The following DLC1 variants were observed in gnomAD, a reference collection of about 807,000 sequenced individuals.
DLC1 encodes DLC1 Rho GTPase activating protein.
A neutral mutation model predicts 140.3 loss-of-function variants in DLC1; 54 were observed. The ratio of observed to expected loss-of-function variants is 0.38; its 90% CI spans 0.31 to 0.48. DLC1 has a LOEUF of 0.48. Ranked by LOEUF, DLC1 falls within the 20% of genes least tolerant of loss-of-function variation. DLC1 has a pLI of 0.96. For synonymous variants in DLC1, 986 were observed against 728.1 expected (o/e 1.35, Z -5.70); for missense variants, 2,536 against 1,907.0 (o/e 1.33, Z -6.14).
intron 13 of DLC1, among the ~76,000 whole-genome samples, chr8:13,091,867 G>T (rs1818103609): frequency 6.6e-6 from 1 of 152,088 alleles, no homozygotes; most frequent in Non-Finnish European, 1.5e-5. Flanking sequence ...TTGACCTTTT[G>T]TCTTCATCTT....
chr8:13,490,673 T>C (rs1563392745), intron 2 of DLC1, among the ~76,000 whole-genome samples: 1 of 152,194 alleles, frequency 6.6e-6, no homozygotes, highest in African/African-American at 2.4e-5. Context: ...CAGAAATCCA[T>C]GAGGAACAAG....
At chr8:13,202,911 T>C (rs568348661) in intron 5 of DLC1, among the ~76,000 whole-genome samples, 1 of 152,092 alleles carries the variant, frequency 6.6e-6, no homozygotes, top group Non-Finnish European at 1.5e-5. Flanking sequence ...TGGGCCCAAG[T>C]AATCCACCCG....
intron 5 of DLC1, among the ~76,000 whole-genome samples, chr8:13,275,482 A>C (rs1289315070): frequency 1.3e-5 from 2 of 152,196 alleles, no homozygotes; most frequent in African/African-American, 4.8e-5. Context: ...AGACTTAGAG[A>C]GCAAACAAGA....
chr8:13,095,098 A>C lies in DLC1; in HGVS notation c.3315T>G (p.His1105Gln). The change falls in exon 11 of 18, where the codon CAT becomes CAG. Residue 1105 changes from histidine to glutamine, a missense_variant. Physicochemically the swap from His to Gln is conservative, Grantham distance 24 (BLOSUM62 0). Transcript: ENST00000276297. Reference protein sequence around the residue: ...IQQAMRYLRNHCLDQVGLFRK... With the variant: ...IQQAMRYLRNQCLDQVGLFRK... ...GCAGCGCTCTCACCTGATCCAAACA[A>C]TGGTTCCGGAGGTATCGCATGGCCT... is the stretch of plus-strand genomic sequence containing the variant. 3 of 1,614,226 alleles carry C rather than the reference A, an allele frequency of 1.9e-6. No individual in the cohort carries two copies. Among genetic ancestry groups the C allele is most frequent in the South Asian group, 1.1e-5 (1 of 91,082 alleles).
At chr8:13,447,177 G>C (rs1315299566) in intron 2 of DLC1, among the ~76,000 whole-genome samples, 1 of 151,982 alleles carries the variant, frequency 6.6e-6, no homozygotes, top group Non-Finnish European at 1.5e-5. Flanking sequence ...GTTGATTTTT[G>C]GAATGAGAAT....
At chr8:13,398,042 A>G (rs1439804182) in intron 3 of DLC1, among the ~76,000 whole-genome samples, 2 of 151,984 alleles carry the variant, frequency 1.3e-5, no homozygotes, top group East Asian at 1.9e-4. Context: ...GAGGCAGGAG[A>G]ATTGCTTGAA....
chr8:13,431,774 G>A (rs945729380), intron 2 of DLC1, among the ~76,000 whole-genome samples: 5 of 152,120 alleles, frequency 3.3e-5, no homozygotes, highest in East Asian at 3.9e-4. Context: ...GAAAGGGAAC[G>A]TGGGTGGGGA....
intron 5 of DLC1, among the ~76,000 whole-genome samples, chr8:13,239,734 A>T (rs1031431326): frequency 6.6e-6 from 1 of 152,304 alleles, no homozygotes; most frequent in Non-Finnish European, 1.5e-5. Context: ...TTCAAAGGAG[A>T]ATCCAGTGGG....
chr8:13,431,546 T>C (rs568928009), intron 2 of DLC1, among the ~76,000 whole-genome samples: 18 of 147,096 alleles, frequency 1.2e-4, no homozygotes, highest in African/African-American at 4.5e-4. Flanking sequence ...GTCACAACTC[T>C]GTCTCTCTTG....
intron 4 of DLC1, among the ~76,000 whole-genome samples, chr8:13,385,108 T>C (rs556821573): frequency 6.6e-6 from 1 of 152,064 alleles, no homozygotes; most frequent in Non-Finnish European, 1.5e-5. Context: ...CTAGAGTGCA[T>C]GGTGGGAGCG....
Position 13,499,374 on chromosome 8 carries a change from T to G in DLC1, c.698A>C (p.Gln233Pro). The G allele has an allele frequency of 6.2e-7, 1 of 1,614,030 alleles. No individual in the cohort carries two copies. The highest frequency in any genetic ancestry group is 8.5e-7 in the Non-Finnish European group (1 of 1,180,000). ...AGGGGGGTCAGGTTTCCTTCGTTGC[T>G]GAGCAATTACAGCAGAGTTAAGCAA... ...KQLLNSAVIA[Q>P]QRRKPDPPKD... Residue 233 changes from glutamine to proline, a missense_variant, in exon 2 of 18, where the codon CAG (glutamine) becomes CCG (proline). Transcript: ENST00000276297.
At chr8:13,219,728 A>G (rs1828450211) in intron 5 of DLC1, among the ~76,000 whole-genome samples, 1 of 152,120 alleles carries the variant, frequency 6.6e-6, no homozygotes, top group African/African-American at 2.4e-5. Context: ...TTGTATAAGA[A>G]TGTTCATTGC....
chr8:13,231,187 C>A (rs993479645), intron 5 of DLC1, among the ~76,000 whole-genome samples: 1 of 151,904 alleles, frequency 6.6e-6, no homozygotes, highest in African/African-American at 2.4e-5. Flanking sequence ...TATTTCTAGG[C>A]CTCAATGCCT....
intron 5 of DLC1, among the ~76,000 whole-genome samples, chr8:13,168,657 A>G (rs1323523549): frequency 6.6e-6 from 1 of 152,248 alleles, no homozygotes; most frequent in Non-Finnish European, 1.5e-5. Flanking sequence ...TCTAGTCCAG[A>G]TAAGGCTCCT....
intron 4 of DLC1, among the ~76,000 whole-genome samples, chr8:13,320,542 A>G (rs1168483386): frequency 6.6e-6 from 1 of 152,102 alleles, no homozygotes; most frequent in African/African-American, 2.4e-5. Flanking sequence ...TACTCCTGCT[A>G]TGGTTTGGAT....
chr8:13,565,954 A>G (rs929042998), intron 1 of DLC1, among the ~76,000 whole-genome samples: 4 of 152,146 alleles, frequency 2.6e-5, no homozygotes, highest in Non-Finnish European at 4.4e-5. Flanking sequence ...AGTTCCCTGA[A>G]CTTATAGTAC....
intron 5 of DLC1, among the ~76,000 whole-genome samples, chr8:13,203,178 C>G (rs1215247103): frequency 1.3e-5 from 2 of 152,180 alleles, no homozygotes; most frequent in Non-Finnish European, 2.9e-5. Context: ...GTTGTGTTCA[C>G]TTACGTGCTG....
rs559881315 is a variant in DLC1 at position 13,550,904 on chromosome 8, T to C, written c.-125-50708A>G. Among the ~76,000 whole-genome samples the C allele has an allele frequency of 6.6e-5, 10 of 152,238 alleles. 1 individual carries two copies. The highest frequency in any genetic ancestry group is 6.5e-4 in the Admixed American group (10 of 15,272). The stretch of plus-strand genomic sequence containing the variant: ...ACGATTAAAAAAGAATAATCATGTA[T>C]GGTCAAATAGCCTAGAAATCAATGG... On this transcript the variant is annotated intron_variant, in intron 1 of 1. Transcript: ENST00000631382.
chr8:13,317,214 G>A (rs1025238669), intron 4 of DLC1, among the ~76,000 whole-genome samples: 1 of 152,176 alleles, frequency 6.6e-6, no homozygotes. Context: ...AGGTTAAGTA[G>A]TAACATTAGC....
Sources: gnomAD v4.1 joint callset for allele counts (sites outside exome capture counted in the v4.1 genomes callset) on GRCh38, gnomAD v4.1.1 for gene constraint, MANE v1.5 for transcripts, NCBI Gene and HGNC (gene_info 2026-07-23, HGNC 2026-07-21) for gene names.